The following SPAST variants were observed in gnomAD, a reference collection of about 807,000 sequenced individuals.
The protein encoded by SPAST is spastic paraplegia 4 (autosomal dominant; spastin).
In SPAST, 30 loss-of-function variants were observed where a neutral mutation model predicts 76.6. The observed-to-expected ratio is 0.39, with a 90% CI of 0.29 to 0.53. The LOEUF (loss-of-function observed/expected upper bound fraction) is 0.53, where lower values mean the gene tolerates loss of function less well. SPAST is among the 20% of genes least tolerant of loss of function. The pLI is 0.68. For missense variants in SPAST, 717 were observed against 770.5 expected (o/e 0.93, Z 0.82); for synonymous variants, 305 against 281.0 (o/e 1.09, Z -0.86).
intron 4 of SPAST, among the ~76,000 whole-genome samples, chr2:32,106,534 G>A (rs760655543): frequency 2.0e-5 from 3 of 152,174 alleles, no homozygotes; most frequent in Non-Finnish European, 2.9e-5. Flanking sequence ...CTTCTGTGTC[G>A]CTCACACTGG....
chr2:32,064,645 C>T (rs984705318), intron 1 of SPAST, among the ~76,000 whole-genome samples: 1 of 152,194 alleles, frequency 6.6e-6, no homozygotes, highest in Non-Finnish European at 1.5e-5. Flanking sequence ...AGAAGCAGTG[C>T]CGCCTTACTG....
intron 7 of SPAST, among the ~76,000 whole-genome samples, chr2:32,124,763 C>T (rs1180349192): frequency 6.6e-6 from 1 of 152,110 alleles, no homozygotes; most frequent in Non-Finnish European, 1.5e-5. Flanking sequence ...ACCATAAATG[C>T]ATATTGCTAA....
chr2:32,116,493 A>T (rs993116358), intron 7 of SPAST, among the ~76,000 whole-genome samples: 2 of 152,074 alleles, frequency 1.3e-5, no homozygotes, highest in African/African-American at 4.8e-5. Context: ...ACGGAGTCTC[A>T]CTCATTGTGT....
intron 1 of SPAST, among the ~76,000 whole-genome samples, chr2:32,085,773 G>A (rs956755846): frequency 1.3e-5 from 2 of 151,854 alleles, no homozygotes; most frequent in South Asian, 2.1e-4. Context: ...GCGGTGGCTC[G>A]TGAGCGCCTG....
chr2:32,068,421 A>G (rs1468038041), intron 1 of SPAST, among the ~76,000 whole-genome samples: 2 of 151,438 alleles, frequency 1.3e-5, no homozygotes, highest in Non-Finnish European at 2.9e-5. Flanking sequence ...TCCCAGGTTC[A>G]AGCGATTCTC....
chr2:32,131,966 A>G (rs774114347), intron 9 of SPAST, among the ~76,000 whole-genome samples: 4 of 152,130 alleles, frequency 2.6e-5, no homozygotes, highest in Non-Finnish European at 5.9e-5. Context: ...GCCTACAGCA[A>G]CCATTCTCTT....
At chr2:32,119,832 A>G (rs1304376299) in intron 7 of SPAST, among the ~76,000 whole-genome samples, 1 of 152,208 alleles carries the variant, frequency 6.6e-6, no homozygotes, top group South Asian at 2.1e-4. Context: ...GAAAGCGTAT[A>G]TTCTTCTGTC....
Position 32,115,708 on chromosome 2 carries a change from C to T in SPAST, c.877C>T (p.Pro293Ser), listed in dbSNP as rs776885579. The change falls in exon 6 of 17, where the codon CCG becomes TCG. Residue 293 changes from proline (P) to serine (S), a missense_variant. By Grantham distance (74) the Pro-to-Ser change is moderately conservative. Transcript: ENST00000315285. The part of the protein sequence containing the change: ...GPAPTTHKGT[P>S]KTNRTNKPST... Reference sequence around the variant, plus strand: ...AAATTTTGTATCCTTTAAGGGTACTCCGAAAACAAATAGGACAAATAAACC... The same window carrying T: ...AAATTTTGTATCCTTTAAGGGTACTTCGAAAACAAATAGGACAAATAAACC... 1 of 1,606,890 alleles carries T rather than the reference C, an allele frequency of 6.2e-7. No individual in the cohort carries two copies. Among genetic ancestry groups the T allele is most frequent in the Non-Finnish European group, 8.5e-7 (1 of 1,174,550 alleles).
At chr2:32,076,440 T>G (rs1453030171) in intron 1 of SPAST, among the ~76,000 whole-genome samples, 1 of 152,166 alleles carries the variant, frequency 6.6e-6, no homozygotes, top group East Asian at 1.9e-4. Flanking sequence ...CAGGCTGGTC[T>G]TGAATGCCTG....
intron 4 of SPAST, among the ~76,000 whole-genome samples, chr2:32,113,013 C>T (rs887387558): frequency 2.0e-5 from 3 of 152,090 alleles, no homozygotes; most frequent in African/African-American, 4.8e-5. Flanking sequence ...GACAAATAAC[C>T]TTTTCAACTT....
intron 7 of SPAST, among the ~76,000 whole-genome samples, chr2:32,118,786 A>C (rs982876454): frequency 7.2e-5 from 11 of 152,174 alleles, no homozygotes; most frequent in Non-Finnish European, 1.3e-4. Flanking sequence ...TTATTAAGGG[A>C]CATGCTTTTT....
At chr2:32,128,728 T>C in intron 9 of SPAST, 1 of 483,514 alleles carries the variant, frequency 2.1e-6, no homozygotes, top group Non-Finnish European at 3.8e-6. Context: ...ACATCAGCAA[T>C]TTATTGTCTC....
At chr2:32,129,079 G>A (rs1033328840) in intron 9 of SPAST, 3 of 154,546 alleles carry the variant, frequency 1.9e-5, no homozygotes, top group African/African-American at 7.2e-5. Context: ...CGTTTTTGGA[G>A]AACACAGTTC....
At chr2:32,115,908 G>A in intron 6 of SPAST, 73 bp downstream of exon 6, 1 of 1,227,498 alleles carries the variant, frequency 8.1e-7, no homozygotes, top group Admixed American at 2.1e-5. Context: ...CATGTCAGGA[G>A]TGAAATAGAT....
chr2:32,119,943 G>A (rs1182415663), intron 7 of SPAST, among the ~76,000 whole-genome samples: 2 of 150,476 alleles, frequency 1.3e-5, no homozygotes, highest in African/African-American at 2.4e-5. Flanking sequence ...GTGATTCTTT[G>A]AGATTTATAG....
At chr2:32,079,353 A>G (rs577947935) in intron 1 of SPAST, among the ~76,000 whole-genome samples, 17 of 151,718 alleles carry the variant, frequency 1.1e-4, no homozygotes, top group Admixed American at 1.1e-3. Context: ...CCCTGTCTTT[A>G]GAAAAAAATT....
At chr2:32,070,550 T>C (rs916353113) in intron 1 of SPAST, among the ~76,000 whole-genome samples, 1 of 152,240 alleles carries the variant, frequency 6.6e-6, no homozygotes, top group Non-Finnish European at 1.5e-5. Context: ...TTTAGATATT[T>C]GAGAAATATT....
chr2:32,074,811 T>C (rs1676887362), intron 1 of SPAST, among the ~76,000 whole-genome samples: 1 of 152,104 alleles, frequency 6.6e-6, no homozygotes, highest in African/African-American at 2.4e-5. Context: ...CTGGCCTGTT[T>C]CTTAGATTTG....
intron 7 of SPAST, among the ~76,000 whole-genome samples, chr2:32,125,518 C>T (rs1477031527): frequency 6.6e-6 from 1 of 151,996 alleles, no homozygotes; most frequent in Non-Finnish European, 1.5e-5. Flanking sequence ...CCACTGCGCC[C>T]AGCAGGTTTT....
Sources: gnomAD v4.1 joint callset for allele counts (sites outside exome capture counted in the v4.1 genomes callset) on GRCh38, gnomAD v4.1.1 for gene constraint, MANE v1.5 for transcripts, NCBI Gene and HGNC (gene_info 2026-07-23, HGNC 2026-07-21) for gene names.